Variants in CAST observed in about 807,000 individuals in gnomAD.
CAST encodes the protein MIR583 host.
In CAST, 76 loss-of-function variants were observed where a neutral mutation model predicts 119.6. That is an observed-to-expected ratio of 0.64 (90% CI 0.53 to 0.77). The LOEUF (loss-of-function observed/expected upper bound fraction) is 0.77. CAST is among the 30% of genes least tolerant of loss of function. The pLI, the probability that CAST is intolerant of heterozygous loss-of-function variation, is 0.00. For synonymous variants in CAST, 319 were observed against 331.6 expected (o/e 0.96, Z 0.41); for missense variants, 953 against 946.5 (o/e 1.01, Z -0.09).
intron 31 of CAST, 169 bp downstream of exon 31, chr5:96,771,871 G>T: frequency 2.2e-6 from 1 of 448,244 alleles, no homozygotes; most frequent in South Asian, 5.6e-5. Context: ...TTCTCTGAAA[G>T]CACTAAATGG....
At chr5:95,963,117 G>T in the CAST span, among the ~76,000 whole-genome samples, 2 of 152,130 alleles carry the variant, frequency 1.3e-5, no homozygotes, top group Admixed American at 6.6e-5. Flanking sequence ...ACTGTTGAAA[G>T]GCAGTTTAAA....
intron 1 of CAST, among the ~76,000 whole-genome samples, chr5:96,655,043 A>T (rs1748140347): frequency 6.6e-6 from 1 of 152,248 alleles, no homozygotes; most frequent in African/African-American, 2.4e-5. Flanking sequence ...TACAATGTAC[A>T]TGCTATTTTA....
At chr5:96,332,809 G>C in the CAST span, among the ~76,000 whole-genome samples, 1 of 152,138 alleles carries the variant, frequency 6.6e-6, no homozygotes, top group Non-Finnish European at 1.5e-5. Flanking sequence ...ACCCCATTGA[G>C]GCTTGAGTTT....
chr5:96,029,432 G>A, the CAST span, among the ~76,000 whole-genome samples: 1 of 151,970 alleles, frequency 6.6e-6, no homozygotes, highest in Non-Finnish European at 1.5e-5. Context: ...GAAACTTCAT[G>A]TGCAATATAT....
the CAST span, among the ~76,000 whole-genome samples, chr5:96,194,201 A>G: frequency 6.6e-6 from 1 of 152,202 alleles, no homozygotes; most frequent in Non-Finnish European, 1.5e-5. Flanking sequence ...TAAGTTATAC[A>G]TACATAGAAG....
At chr5:96,565,341 A>G (rs968631984) in intron 1 of CAST, among the ~76,000 whole-genome samples, 2 of 152,176 alleles carry the variant, frequency 1.3e-5, no homozygotes, top group African/African-American at 4.8e-5. Context: ...ATCATTCTAC[A>G]AGGTATACAT....
chr5:96,605,171 T>C (rs1385558246), intron 1 of CAST, among the ~76,000 whole-genome samples: 1 of 152,230 alleles, frequency 6.6e-6, no homozygotes, highest in African/African-American at 2.4e-5. Context: ...ACACATTGTG[T>C]ATGAAACTCT....
chr5:96,772,427 T>C (rs1440647337), intron 31 of CAST: 1 of 48,424 alleles, frequency 2.1e-5, no homozygotes, highest in African/African-American at 6.3e-5. Context: ...CCATGTTTAT[T>C]TCCTAGGAAA....
chr5:96,236,438 T>C, the CAST span, among the ~76,000 whole-genome samples: 2 of 152,132 alleles, frequency 1.3e-5, no homozygotes, highest in Non-Finnish European at 2.9e-5. Flanking sequence ...ACTACTTAAA[T>C]TTGTCTCTAG....
chr5:96,508,244 C>G, the CAST span, among the ~76,000 whole-genome samples: 7 of 151,960 alleles, frequency 4.6e-5, no homozygotes, highest in African/African-American at 1.7e-4. Context: ...CAAGCCAGGC[C>G]CAAATTCTAA....
At chr5:96,584,327 T>C (rs1746817102) in intron 1 of CAST, among the ~76,000 whole-genome samples, 3 of 152,166 alleles carry the variant, frequency 2.0e-5, no homozygotes, top group Admixed American at 2.0e-4. Context: ...ACCACTCACC[T>C]CCTGCTGCAT....
chr5:96,437,588 C>T, the CAST span, among the ~76,000 whole-genome samples: 1 of 152,124 alleles, frequency 6.6e-6, no homozygotes, highest in African/African-American at 2.4e-5. Context: ...TGAAAAGTGA[C>T]CTTGAATATT....
chr5:96,531,852 G>A (rs1745695440), intron 1 of CAST, among the ~76,000 whole-genome samples: 2 of 152,106 alleles, frequency 1.3e-5, no homozygotes, highest in Non-Finnish European at 2.9e-5. Flanking sequence ...AAGATGTCTT[G>A]ACTATTAAAA....
chr5:96,086,120 T>C, the CAST span, among the ~76,000 whole-genome samples: 1,501 of 152,342 alleles, frequency 9.9e-3, 31 homozygotes, highest in African/African-American at 0.034. Flanking sequence ...TTATAATATC[T>C]AATACAATGT....
At chr5:96,303,559 C>T in the CAST span, among the ~76,000 whole-genome samples, 1 of 152,056 alleles carries the variant, frequency 6.6e-6, no homozygotes, top group Non-Finnish European at 1.5e-5. Flanking sequence ...TTGCTGCACC[C>T]ATCAACCTGT....
chr5:96,564,989 G>A (rs1746441575), intron 1 of CAST, among the ~76,000 whole-genome samples: 1 of 151,938 alleles, frequency 6.6e-6, no homozygotes, highest in Non-Finnish European at 1.5e-5. Flanking sequence ...ATTAAGCTAT[G>A]CCCTTAGTTT....
At chr5:96,625,181 G>A (rs756760774) in intron 1 of CAST, among the ~76,000 whole-genome samples, 4 of 152,048 alleles carry the variant, frequency 2.6e-5, no homozygotes, top group Admixed American at 6.5e-5. Flanking sequence ...TTCTCTCAAA[G>A]GGTCACAAAA....
intron 19 of CAST, 68 bp from the exon 20 acceptor site, chr5:96,750,519 C>A: frequency 1.1e-6 from 1 of 935,106 alleles, no homozygotes; most frequent in Non-Finnish European, 1.8e-6. Context: ...TCTTGTTGGT[C>A]TACCATTACT....
intron 1 of CAST, among the ~76,000 whole-genome samples, chr5:96,557,082 A>G (rs1207759787): frequency 2.0e-5 from 3 of 152,108 alleles, no homozygotes; most frequent in Admixed American, 2.0e-4. Context: ...AGAATTTTCA[A>G]CCCAGAATTT....
Sources: allele counts gnomAD v4.1 joint callset (sites outside exome capture counted in the v4.1 genomes callset), GRCh38; gene constraint gnomAD v4.1.1; transcripts MANE v1.5; gene names NCBI Gene and HGNC (gene_info 2026-07-23, HGNC 2026-07-21).